Variants in RAB11FIP3 observed in about 807,000 individuals in gnomAD.
RAB11FIP3 encodes rab11 family-interacting protein 3.
RAB11FIP3 carries 17 observed loss-of-function variants against 77.8 expected under a neutral mutation model. The ratio of observed to expected loss-of-function variants is 0.22; its 90% CI spans 0.15 to 0.33. The LOEUF is 0.33. RAB11FIP3 is among the 10% of genes least tolerant of loss of function. The probability of loss-of-function intolerance (pLI) is 1.00; values close to 1 mark genes in which losing one functional copy is unlikely to be tolerated. For missense variants in RAB11FIP3, 1,005 were observed against 1,011.2 expected (o/e 0.99, Z 0.08); for synonymous variants, 437 against 448.2 (o/e 0.98, Z 0.31).
intron 4 of RAB11FIP3, 140 bp from the exon 5 acceptor site, chr16:488,711 C>CTT (rs3079539): frequency 0.31 from 175,779 of 566,044 alleles, 13,884 homozygotes; most frequent in Middle Eastern, 0.35. Flanking sequence ...ATCCAGCCCA[C>CTT]TTTTTTTTTT....
At chr16:497,380 A>G (rs2031226733) in intron 6 of RAB11FIP3, 1 of 1,298,842 alleles carries the variant, frequency 7.7e-7, no homozygotes, top group South Asian at 1.2e-5. Flanking sequence ...CGAAATAAAC[A>G]TGCAGGGTTA....
At chr16:518,058 G>C (rs1282348689) in intron 9 of RAB11FIP3, among the ~76,000 whole-genome samples, 1 of 152,194 alleles carries the variant, frequency 6.6e-6, no homozygotes, top group Non-Finnish European at 1.5e-5. Context: ...CTCCAGCCTG[G>C]GCAACAGAGT....
chr16:488,422 T>A lies in RAB11FIP3; in HGVS notation c.1116-429T>A, dbSNP rs545162735. ...AACAGATTTATTTATTTATTTTTTT[T>A]TTTTGAGACAGGGCCTTGCTCTGTC... On this transcript the variant is annotated intron_variant, in intron 4 of 13. Coordinates refer to ENST00000262305, the MANE Select transcript of RAB11FIP3 (RefSeq NM_014700.4). 1.1e-4 allele frequency among the ~76,000 whole-genome samples: 17 copies of A among 152,250 alleles called. 1 individual carries two copies. Among genetic ancestry groups the A allele is most frequent in the African/African-American group, 3.9e-4 (16 of 41,552 alleles).
chr16:427,572 T>C (rs899294052), intron 1 of RAB11FIP3, among the ~76,000 whole-genome samples: 6 of 152,254 alleles, frequency 3.9e-5, no homozygotes, highest in African/African-American at 1.4e-4. Context: ...CAGGGCCGTG[T>C]GTGTTCTGCC....
Position 503,659 on chromosome 16 carries a change from CA to C in RAB11FIP3, c.1395+563del, listed in dbSNP as rs528930240. Among the ~76,000 whole-genome samples the C allele has an allele frequency of 2.3e-3, 347 of 152,216 alleles. 1 individual carries two copies. The highest frequency in any genetic ancestry group is 5.5e-3 in the Admixed American group (84 of 15,284). ...CATTAGGAGGCCTAGGCGGGCAGAT[CA>C]CTTGAGGTCAGGAGTTTGAGATCAG... On this transcript the variant is annotated intron_variant, in intron 7 of 13. Transcript: ENST00000262305.
intron 9 of RAB11FIP3, among the ~76,000 whole-genome samples, chr16:516,271 G>A (rs1377665783): frequency 2.6e-5 from 4 of 152,214 alleles, no homozygotes; most frequent in Non-Finnish European, 5.9e-5. Context: ...TAGAAGGGAC[G>A]GCAGGGTAAC....
Position 514,224 on chromosome 16 carries a change from C to T in RAB11FIP3, c.1640+3424C>T, listed in dbSNP as rs189198986. Among the ~76,000 whole-genome samples the T allele has an allele frequency of 1.1e-3, 169 of 151,728 alleles. 1 individual carries two copies. Among genetic ancestry groups the T allele is most frequent in the Non-Finnish European group, 1.9e-3 (126 of 68,034 alleles). ...TTGTGGTTCTCAGGGCTGCTCAGGC[C>T]GTCAGAGGCCCCTGCAGCCCCAGGT... On this transcript the variant is annotated intron_variant, in intron 9 of 13. Transcript: ENST00000262305. The surrounding 1 kb of genome is among the most constrained non-coding windows in gnomAD (Gnocchi z 4.6).
At chr16:492,836 G>A (rs1292523727) in intron 5 of RAB11FIP3, among the ~76,000 whole-genome samples, 1 of 152,120 alleles carries the variant, frequency 6.6e-6, no homozygotes, top group East Asian at 1.9e-4. Flanking sequence ...CTCCAAGATG[G>A]CCATGGTCGC....
At chr16:429,966 A>C (rs577195862) in intron 1 of RAB11FIP3, among the ~76,000 whole-genome samples, 4 of 152,224 alleles carry the variant, frequency 2.6e-5, no homozygotes, top group Admixed American at 2.6e-4. Flanking sequence ...TTTCTTTAGC[A>C]ATGTCATGGT....
At chr16:468,771 G>A (rs141270417) in intron 2 of RAB11FIP3, among the ~76,000 whole-genome samples, 5 of 152,322 alleles carry the variant, frequency 3.3e-5, no homozygotes, top group Admixed American at 2.0e-4. Flanking sequence ...GGAAACGCAC[G>A]TGAAAAATTC....
Position 426,227 on chromosome 16 carries a change from C to G in RAB11FIP3, c.221C>G (p.Pro74Arg). The G allele has an allele frequency of 9.6e-7, 1 of 1,037,700 alleles. No individual in the cohort carries two copies. Among genetic ancestry groups the G allele is most frequent in the South Asian group, 4.4e-5 (1 of 22,644 alleles). The allele number at this position is 1,037,700 out of a possible 1,614,324, so 64.3% of individuals were successfully genotyped here. A position where few individuals can be genotyped will look rare whatever the true frequency, so the allele number is the denominator to read the frequency against. The change falls in exon 1 of 14, where the codon CCG becomes CGG. Residue 74 changes from proline (P) to arginine (R), a missense_variant. This residue lies in a region of RAB11FIP3 where 466 missense variants were observed against 408.3 expected (regional missense o/e 1.14). Coordinates refer to ENST00000262305, the MANE Select transcript of RAB11FIP3 (RefSeq NM_014700.4). This position sits in a 1 kb window ranked among gnomAD's most constrained non-coding sequence, Gnocchi z 5.0. ...GGCGGGGCGCGTTGGAGCGCCGGGC[C>G]GGCCCCGGGGCTGGAGGGAGGCCCG... ...ADGGARWSAG[P>R]APGLEGGPRD... is the part of the protein sequence containing the mutation.
At chr16:515,938 C>T (rs1596302266) in intron 9 of RAB11FIP3, among the ~76,000 whole-genome samples, 1 of 152,344 alleles carries the variant, frequency 6.6e-6, no homozygotes, top group African/African-American at 2.4e-5. Context: ...TGCAGGGCGC[C>T]AGCACACACC....
At chr16:436,824 G>A (rs1405350016) in intron 1 of RAB11FIP3, among the ~76,000 whole-genome samples, 1 of 152,076 alleles carries the variant, frequency 6.6e-6, no homozygotes, top group African/African-American at 2.4e-5. Context: ...TGAACCCCTG[G>A]CCTCAAGCAG....
Position 461,564 on chromosome 16 carries a change from C to T in RAB11FIP3, c.808+67C>T, listed in dbSNP as rs2055605809. 9.2e-6 allele frequency: 12 copies of T among 1,310,818 alleles called. No individual in the cohort carries two copies. Among genetic ancestry groups the T allele is most frequent in the Admixed American group, 1.7e-5 (1 of 58,548 alleles). 81.2% of individuals were successfully genotyped at this position (1,310,818 alleles called of 1,614,324 possible). A position where few individuals can be genotyped will look rare whatever the true frequency, so the allele number is the denominator to read the frequency against. On this transcript the variant is annotated intron_variant, in intron 2 of 13. Transcript: ENST00000262305. The surrounding 1 kb of genome is among the most constrained non-coding windows in gnomAD (Gnocchi z 4.5). ...CCTCAGCCACCCTCTCAGCCACCTG[C>T]ACATCACCAGGCTCCTCGTGCTGAC...
intron 9 of RAB11FIP3, among the ~76,000 whole-genome samples, chr16:512,047 C>T (rs1002701736): frequency 6.6e-5 from 10 of 152,146 alleles, no homozygotes; most frequent in Non-Finnish European, 1.5e-4. Flanking sequence ...ACCCCAGAAC[C>T]GGCAGTGGCT....
chr16:488,146 C>T (rs550659402), intron 4 of RAB11FIP3, among the ~76,000 whole-genome samples: 6 of 152,078 alleles, frequency 3.9e-5, no homozygotes, highest in African/African-American at 7.2e-5. Context: ...TTTGGGAGGC[C>T]GAGGTGGGTG....
chr16:429,953 C>T (rs2055009796), intron 1 of RAB11FIP3, among the ~76,000 whole-genome samples: 1 of 152,092 alleles, frequency 6.6e-6, no homozygotes. Context: ...TTTTGTGTCC[C>T]TGTTTCTTTA....
At chr16:502,597 G>A (rs1481619468) in intron 6 of RAB11FIP3, among the ~76,000 whole-genome samples, 1 of 152,210 alleles carries the variant, frequency 6.6e-6, no homozygotes, top group East Asian at 1.9e-4. Flanking sequence ...GGTGTCTGCA[G>A]GTCAAGGTCC....
intron 1 of RAB11FIP3, among the ~76,000 whole-genome samples, chr16:429,479 TAA>T (rs1489380146): frequency 7.2e-5 from 11 of 151,958 alleles, no homozygotes; most frequent in African/African-American, 2.7e-4. Flanking sequence ...TCCTTGATGA[TAA>T]CAACTAGATT....
Sources: gnomAD v4.1 joint callset for allele counts (sites outside exome capture counted in the v4.1 genomes callset) on GRCh38, gnomAD v4.1.1 for gene constraint, gnomAD v4.1.1 regional missense constraint, Gnocchi (gnomAD v3.1) non-coding constraint, MANE v1.5 for transcripts, NCBI Gene and HGNC (gene_info 2026-07-23, HGNC 2026-07-21) for gene names.